The following SYT9 variants were observed in gnomAD, a reference collection of about 807,000 sequenced individuals.
SYT9 encodes the protein synaptotagmin 9.
A neutral mutation model predicts 48.4 loss-of-function variants in SYT9; 22 were observed. That is an observed-to-expected ratio of 0.45 (90% confidence interval 0.32 to 0.65). The LOEUF (loss-of-function observed/expected upper bound fraction) is 0.65. Ranked by LOEUF, SYT9 falls within the 30% of genes least tolerant of loss-of-function variation. The probability of loss-of-function intolerance (pLI) is 0.03; values close to 1 mark genes in which losing one functional copy is unlikely to be tolerated. For synonymous variants in SYT9, 265 were observed against 245.0 expected, an observed-to-expected ratio of 1.08 and a Z score of -0.76; for missense variants, 577 against 622.0, an observed-to-expected ratio of 0.93 and a Z score of 0.77.
At chr11:7,454,157 A>G (rs552945875) in intron 6 of SYT9, 1 of 985,376 alleles carries the variant, frequency 1.0e-6, no homozygotes, top group African/African-American at 1.7e-5. Flanking sequence ...GCCCTTGATG[A>G]GAGTCCAAGC....
At chr11:7,331,912 A>T (rs1849540428) in intron 3 of SYT9, among the ~76,000 whole-genome samples, 1 of 152,186 alleles carries the variant, frequency 6.6e-6, no homozygotes, top group African/African-American at 2.4e-5. Context: ...ATCCTTGAAG[A>T]GGAAGTCTGT....
rs571307191 is a variant in SYT9, at chr11:7,266,194, T to G, written c.145+13863T>G. On this transcript the variant is annotated intron_variant, in intron 1 of 6. Coordinates refer to ENST00000318881, the MANE Select transcript of SYT9 (RefSeq NM_175733.4). ...GAGGGAATGAGAAAACAGTGCTGCT[T>G]GCTCTTCTTTAATCTGTTCCACCGT... Among the ~76,000 whole-genome samples, 186 of 152,304 alleles carry G rather than the reference T, an allele frequency of 1.2e-3. 1 individual carries two copies. Among genetic ancestry groups the G allele is most frequent in the African/African-American group, 4.3e-3 (178 of 41,578 alleles).
At chr11:7,423,219 A>G (rs1222366689) in intron 6 of SYT9, among the ~76,000 whole-genome samples, 1 of 152,170 alleles carries the variant, frequency 6.6e-6, no homozygotes, top group African/African-American at 2.4e-5. Context: ...TTTGAAGTAC[A>G]CGTCTGGGAC....
intron 1 of SYT9, among the ~76,000 whole-genome samples, chr11:7,297,995 A>C (rs1848845214): frequency 6.6e-6 from 1 of 152,142 alleles, no homozygotes; most frequent in Non-Finnish European, 1.5e-5. Flanking sequence ...CAATAATGCA[A>C]TTAAGGTAGT....
chr11:7,393,726 T>C (rs1006716917), intron 3 of SYT9, among the ~76,000 whole-genome samples: 2 of 152,126 alleles, frequency 1.3e-5, no homozygotes, highest in Non-Finnish European at 2.9e-5. Context: ...TCCAGAGCTT[T>C]TTCTCACTGA....
chr11:7,299,888 T>C (rs900422908), intron 1 of SYT9, among the ~76,000 whole-genome samples: 5 of 152,172 alleles, frequency 3.3e-5, no homozygotes, highest in African/African-American at 1.2e-4. Flanking sequence ...AACTTCAATT[T>C]ACTTAGCATG....
intron 1 of SYT9, 39 bp from the exon 2 acceptor site, chr11:7,303,000 G>T (rs1233748099): frequency 6.3e-7 from 1 of 1,580,966 alleles, no homozygotes; most frequent in Non-Finnish European, 8.7e-7. Context: ...GGCTTGAGGG[G>T]AATGACCACA....
chr11:7,306,054 G>A (rs978891820), intron 2 of SYT9, among the ~76,000 whole-genome samples: 1 of 152,148 alleles, frequency 6.6e-6, no homozygotes, highest in Non-Finnish European at 1.5e-5. Flanking sequence ...TCGGTGTCTA[G>A]TTTCTTCAGT....
intron 3 of SYT9, among the ~76,000 whole-genome samples, chr11:7,350,610 T>G (rs1849895997): frequency 6.6e-6 from 1 of 152,166 alleles, no homozygotes. Context: ...CTCACTTTCC[T>G]TCATCTTCCA....
chr11:7,291,954 T>C (rs1047573581), intron 1 of SYT9, among the ~76,000 whole-genome samples: 1 of 151,950 alleles, frequency 6.6e-6, no homozygotes, highest in Non-Finnish European at 1.5e-5. Flanking sequence ...ATGCCTTGTG[T>C]AGGAAGGTGA....
At chr11:7,275,489 T>C (rs1221536703) in intron 1 of SYT9, among the ~76,000 whole-genome samples, 2 of 152,356 alleles carry the variant, frequency 1.3e-5, no homozygotes, top group East Asian at 3.9e-4. Flanking sequence ...TTCTATTTTC[T>C]TTCATGGGTT....
intron 1 of SYT9, among the ~76,000 whole-genome samples, chr11:7,242,533 T>C (rs1327287697): frequency 2.6e-5 from 4 of 152,244 alleles, no homozygotes; most frequent in Non-Finnish European, 5.9e-5. Context: ...TTGTTGTGTC[T>C]GGCACATAGC....
intron 6 of SYT9, among the ~76,000 whole-genome samples, chr11:7,454,987 T>C (rs1848122070): frequency 6.6e-6 from 1 of 152,234 alleles, no homozygotes; most frequent in African/African-American, 2.4e-5. Flanking sequence ...GATACACAGA[T>C]GAGAGAAAAC....
chr11:7,388,859 C>T (rs1376535693), intron 3 of SYT9, among the ~76,000 whole-genome samples: 1 of 152,168 alleles, frequency 6.6e-6, no homozygotes, highest in Non-Finnish European at 1.5e-5. Flanking sequence ...CTACTGTTAA[C>T]TAACCTCCTT....
At chr11:7,391,735 TAAAAAAA>T (rs71059104) in intron 3 of SYT9, among the ~76,000 whole-genome samples, 6 of 35,948 alleles carry the variant, frequency 1.7e-4, no homozygotes, top group Non-Finnish European at 2.0e-4. Context: ...ACCCCATCTC[TAAAAAAA>T]AAAAAAAAAA....
At position 7,313,564 on chromosome 11, in the gene SYT9, A is replaced by G. The variant is rs748590912; in HGVS notation, c.667A>G (p.Lys223Glu). ...GRRSNSKACG[K>E]LNFILKYDCD... is the part of the protein sequence containing the mutation. ...ACGGAGTAACAGCAAGGCTTGTGGG[A>G]AACTGAACTTCATTTTAAAATATGA... Residue 223 changes from lysine to glutamate, a missense_variant, in exon 3 of 7, where the codon AAA (lysine) becomes GAA (glutamate). By Grantham distance (56) the Lys-to-Glu change is moderately conservative (BLOSUM62 1). Transcript: ENST00000318881. The G allele has an allele frequency of 6.7e-5, 108 of 1,614,014 alleles. No individual in the cohort carries two copies. The highest frequency in any genetic ancestry group is 8.2e-5 in the Non-Finnish European group (97 of 1,180,008).
chr11:7,262,969 A>G (rs915273690), intron 1 of SYT9, among the ~76,000 whole-genome samples: 2 of 152,170 alleles, frequency 1.3e-5, no homozygotes, highest in Non-Finnish European at 2.9e-5. Flanking sequence ...ACCAAGGTGA[A>G]GGGAATGACT....
At chr11:7,292,352 T>A (rs919207145) in intron 1 of SYT9, among the ~76,000 whole-genome samples, 7 of 152,286 alleles carry the variant, frequency 4.6e-5, no homozygotes, top group African/African-American at 1.2e-4. Context: ...TTAAAAAGAA[T>A]TTCAGCCAAC....
chr11:7,394,225 C>G (rs1432706587), intron 3 of SYT9, among the ~76,000 whole-genome samples: 1 of 150,356 alleles, frequency 6.7e-6, no homozygotes, highest in Non-Finnish European at 1.5e-5. Context: ...GGTTTTTTGT[C>G]CTTGTGATAG....
Sources: gnomAD v4.1 joint callset for allele counts (sites outside exome capture counted in the v4.1 genomes callset) on GRCh38, gnomAD v4.1.1 for gene constraint, MANE v1.5 for transcripts, NCBI Gene and HGNC (gene_info 2026-07-23, HGNC 2026-07-21) for gene names.